ADAMTS16: variants seen among roughly 807,000 people sequenced by gnomAD.
ADAMTS16 encodes the protein A disintegrin and metalloproteinase with thrombospondin motifs 16.
A neutral mutation model predicts 145.8 loss-of-function variants in ADAMTS16; 94 were observed. The ratio of observed to expected loss-of-function variants is 0.64; its 90% CI spans 0.55 to 0.77. The LOEUF (loss-of-function observed/expected upper bound fraction) is 0.77. Among genes scored for constraint, ADAMTS16 ranks in the 30% least tolerant of loss-of-function variants. The pLI is 0.00. For missense variants in ADAMTS16, 1,585 were observed against 1,591.5 expected, an observed-to-expected ratio of 1.00 and a Z score of 0.07; for synonymous variants, 659 against 604.3, an observed-to-expected ratio of 1.09 and a Z score of -1.33.
intron 11 of ADAMTS16, among the ~76,000 whole-genome samples, chr5:5,226,001 C>T (rs1736755440): frequency 6.6e-6 from 1 of 151,972 alleles, no homozygotes; most frequent in Admixed American, 6.6e-5. Flanking sequence ...AAAGAACTTC[C>T]TTGTGAGTAA....
intron 10 of ADAMTS16, among the ~76,000 whole-genome samples, chr5:5,211,770 T>C (rs572991502): frequency 3.9e-5 from 6 of 152,284 alleles, no homozygotes; most frequent in Non-Finnish European, 8.8e-5. Context: ...TAAGCAAAAA[T>C]ATTTTCTAAT....
intron 20 of ADAMTS16, among the ~76,000 whole-genome samples, chr5:5,305,317 C>T (rs1261843016): frequency 3.8e-5 from 2 of 53,176 alleles, no homozygotes; most frequent in Admixed American, 1.6e-4. Context: ...TCCCACACCA[C>T]ACACACACAT....
At chr5:5,206,425 C>CAAATAAAAA (rs1736119696) in intron 9 of ADAMTS16, among the ~76,000 whole-genome samples, 1 of 39,432 alleles carries the variant, frequency 2.5e-5, no homozygotes, top group East Asian at 1.2e-3. Flanking sequence ...GACTCCGTCT[C>CAAATAAAAA]AAAAAAAAAA....
chr5:5,146,163 A>G lies in ADAMTS16; in HGVS notation c.209A>G (p.His70Arg). 1 of 1,614,194 alleles carries G rather than the reference A, an allele frequency of 6.2e-7. No homozygotes were observed. Among genetic ancestry groups the G allele is most frequent in the Non-Finnish European group, 8.5e-7 (1 of 1,180,034 alleles). ...CTGGTCTCTGCCTACGAGGTTGACCACAGGGGCGATTACGTGTCCCATGAA... is the reference window on the plus strand; with the variant it reads ...CTGGTCTCTGCCTACGAGGTTGACCGCAGGGGCGATTACGTGTCCCATGAA... ...YDLVSAYEVD[H>R]RGDYVSHEIM... Residue 70 changes from histidine (H) to arginine (R), a missense_variant, in exon 3 of 23, where the codon CAC becomes CGC. This residue lies in a region of ADAMTS16 where 453 missense variants were observed against 412.1 expected (regional missense o/e 1.10). Coordinates refer to ENST00000274181, the MANE Select transcript of ADAMTS16 (RefSeq NM_139056.4).
intron 6 of ADAMTS16, 21 bp from the exon 7 acceptor site, chr5:5,189,950 C>T (rs369774149): frequency 1.7e-4 from 273 of 1,609,542 alleles, no homozygotes; most frequent in Non-Finnish European, 1.6e-4. Context: ...ATGGGGTCCT[C>T]GGTCCTTGTC....
intron 11 of ADAMTS16, among the ~76,000 whole-genome samples, chr5:5,226,216 C>T (rs1040100211): frequency 6.6e-6 from 1 of 152,110 alleles, no homozygotes; most frequent in Non-Finnish European, 1.5e-5. Flanking sequence ...ATACCTGAGG[C>T]TGGATAATTT....
chr5:5,293,101 TC>T (rs969712383), intron 18 of ADAMTS16, among the ~76,000 whole-genome samples: 57 of 152,366 alleles, frequency 3.7e-4, no homozygotes, highest in Middle Eastern at 3.4e-3. Context: ...GCAGGCCATT[TC>T]CTGGCCTGGG....
intron 3 of ADAMTS16, among the ~76,000 whole-genome samples, chr5:5,156,200 G>A (rs1259169749): frequency 6.6e-6 from 1 of 152,162 alleles, no homozygotes; most frequent in Non-Finnish European, 1.5e-5. Context: ...TTTAAAGGGA[G>A]AACTTTGAGT....
chr5:5,270,294 T>C (rs567748002), intron 18 of ADAMTS16, among the ~76,000 whole-genome samples: 52 of 152,314 alleles, frequency 3.4e-4, no homozygotes, highest in African/African-American at 1.2e-3. Flanking sequence ...TATGGAGTGG[T>C]CTGGTTGCCA....
chr5:5,315,465 A>G (rs931423582), intron 21 of ADAMTS16, among the ~76,000 whole-genome samples: 2 of 152,092 alleles, frequency 1.3e-5, no homozygotes, highest in African/African-American at 4.8e-5. Flanking sequence ...AAAAAAACCA[A>G]TGGCTAGATC....
intron 17 of ADAMTS16, among the ~76,000 whole-genome samples, chr5:5,249,081 G>A (rs1402939252): frequency 6.6e-6 from 1 of 152,178 alleles, no homozygotes; most frequent in Non-Finnish European, 1.5e-5. Context: ...GGTGATGGCT[G>A]AAGGAGAATG....
chr5:5,239,603 G>C (rs369116025), intron 15 of ADAMTS16, 78 bp from the exon 16 acceptor site: 2 of 1,567,840 alleles, frequency 1.3e-6, no homozygotes, highest in Non-Finnish European at 1.7e-6. Flanking sequence ...TTTGTTTACC[G>C]AGGACTGGGG....
chr5:5,153,464 C>A (rs1734524448), intron 3 of ADAMTS16, among the ~76,000 whole-genome samples: 1 of 152,050 alleles, frequency 6.6e-6, no homozygotes, highest in African/African-American at 2.4e-5. Context: ...ATCTTCTCAA[C>A]CTCTATTTTT....
Position 5,200,193 on chromosome 5 carries a change from T to A in ADAMTS16, c.1375T>A (p.Ser459Thr), listed in dbSNP as rs200423146. Reference sequence around the variant, plus strand: ...CAAAAAGTCCGAGGGCAACATCATGTCCCCTACATTGGCAGGACGCAATGG... The same window carrying A: ...CAAAAAGTCCGAGGGCAACATCATGACCCCTACATTGGCAGGACGCAATGG... The part of the protein sequence containing the change: ...MCKKSEGNIM[S>T]PTLAGRNGVF... Residue 459 changes from serine (S) to threonine (T), a missense_variant, in exon 9 of 23, where the codon TCC (serine) becomes ACC (threonine). Ser to Thr is a moderately conservative substitution (Grantham distance 58). Coordinates refer to ENST00000274181, the MANE Select transcript of ADAMTS16 (RefSeq NM_139056.4). The A allele has an allele frequency of 3.0e-5, 48 of 1,614,038 alleles. No homozygotes were observed. The highest frequency in any genetic ancestry group is 4.1e-5 in the Non-Finnish European group (48 of 1,179,970).
At chr5:5,246,862 A>T (rs1453644795) in intron 17 of ADAMTS16, among the ~76,000 whole-genome samples, 1 of 152,202 alleles carries the variant, frequency 6.6e-6, no homozygotes, top group Non-Finnish European at 1.5e-5. Flanking sequence ...AATCATTTGC[A>T]GTCTGGAGCA....
At chr5:5,315,439 T>A (rs1193408106) in intron 21 of ADAMTS16, among the ~76,000 whole-genome samples, 1 of 127,658 alleles carries the variant, frequency 7.8e-6, no homozygotes, top group Non-Finnish European at 1.7e-5. Context: ...TTTGGAACTG[T>A]TTAAATGATA....
chr5:5,293,658 G>A (rs917280376), intron 18 of ADAMTS16, among the ~76,000 whole-genome samples: 3 of 152,148 alleles, frequency 2.0e-5, no homozygotes, highest in Admixed American at 6.5e-5. Context: ...TGCTTGCAGT[G>A]AGCTTGCGTT....
intron 10 of ADAMTS16, among the ~76,000 whole-genome samples, chr5:5,211,972 G>C (rs1736281232): frequency 6.6e-6 from 1 of 152,002 alleles, no homozygotes; most frequent in African/African-American, 2.4e-5. Context: ...ATCTGTCTTG[G>C]TGAACATTCT....
In ADAMTS16 at chr5:5,319,310, G is replaced by A. The variant is rs1734189108; in HGVS notation, c.*172G>A. 1.7e-6 allele frequency: 1 copy of A among 600,196 alleles called. No individual in the cohort carries two copies. Among genetic ancestry groups the A allele is most frequent in the Non-Finnish European group, 3.0e-6 (1 of 334,620 alleles). 37.2% of individuals were successfully genotyped at this position (600,196 alleles called of 1,614,324 possible). A position where few individuals can be genotyped will look rare whatever the true frequency, so the allele number is the denominator to read the frequency against. On this transcript the variant is annotated 3_prime_UTR_variant, in exon 23 of 23. Transcript: ENST00000274181. The stretch of plus-strand genomic sequence containing the variant: ...ATGTATGTGTTTCACTGTGAGCCTG[G>A]GTGCAGACCTGTGTCCCCATGCACA...
Sources: gnomAD v4.1 joint callset for allele counts (sites outside exome capture counted in the v4.1 genomes callset) on GRCh38, gnomAD v4.1.1 for gene constraint, gnomAD v4.1.1 regional missense constraint, MANE v1.5 for transcripts, NCBI Gene and HGNC (gene_info 2026-07-23, HGNC 2026-07-21) for gene names.